NELL1: variants seen among roughly 807,000 people sequenced by gnomAD.
NELL1 encodes the protein protein kinase C-binding protein NELL1.
Under a neutral mutation model 107.4 loss-of-function variants are expected in NELL1, and 76 were observed. The observed-to-expected ratio is 0.71, with a 90% confidence interval of 0.59 to 0.86. The LOEUF is 0.86. Among genes scored for constraint, NELL1 ranks in the 40% least tolerant of loss-of-function variants. The pLI, the probability that NELL1 is intolerant of heterozygous loss-of-function variation, is 0.00. For missense variants in NELL1, 1,024 were observed against 1,005.5 expected, an observed-to-expected ratio of 1.02 and a Z score of -0.25; for synonymous variants, 353 against 341.2, an observed-to-expected ratio of 1.03 and a Z score of -0.38.
chr11:21,113,722 T>C lies in NELL1; in HGVS notation c.1426+8T>C. On this transcript the variant is annotated splice_region_variant and intron_variant, in intron 13 of 19. Coordinates refer to ENST00000357134, the MANE Select transcript of NELL1 (RefSeq NM_006157.5). ...ATGACTTCTCTTGTACAGGTGAGCT[T>C]TAAGAAGCAGTGTTGTTTTTTTAAT... 1 of 1,609,450 alleles carries C rather than the reference T, an allele frequency of 6.2e-7. No individual in the cohort carries two copies. Among genetic ancestry groups the C allele is most frequent in the Non-Finnish European group, 8.5e-7 (1 of 1,177,516 alleles).
At chr11:20,826,691 G>A (rs1857891998) in intron 3 of NELL1, among the ~76,000 whole-genome samples, 1 of 151,088 alleles carries the variant, frequency 6.6e-6, no homozygotes, top group Non-Finnish European at 1.5e-5. Flanking sequence ...CCCAAAGGCT[G>A]ACCTATAGAA....
Position 21,123,024 on chromosome 11 carries a change from G to A in NELL1, c.1426+9310G>A, listed in dbSNP as rs374388782. Among the ~76,000 whole-genome samples the A allele has an allele frequency of 2.0e-5, 3 of 152,118 alleles. No homozygotes were observed. In the East Asian group the frequency reaches 5.8e-4, roughly 29 times the overall value. ...GCTCCCCTCAAGATCTCAAAATGGTGAAGTTACTCCAAGCATCAAATCCTG... is the reference window on the plus strand; with the variant it reads ...GCTCCCCTCAAGATCTCAAAATGGTAAAGTTACTCCAAGCATCAAATCCTG... On this transcript the variant is annotated intron_variant, in intron 13 of 19. Transcript: ENST00000357134.
At chr11:21,262,629 G>T (rs2133924250) in intron 14 of NELL1, 1 of 151,846 alleles carries the variant, frequency 6.6e-6, no homozygotes, top group Non-Finnish European at 1.5e-5. Context: ...TTGTTCCATT[G>T]TATCCTAGGT....
intron 13 of NELL1, among the ~76,000 whole-genome samples, chr11:21,224,528 A>T (rs1031838870): frequency 9.9e-5 from 15 of 151,910 alleles, no homozygotes; most frequent in African/African-American, 3.4e-4. Context: ...GCCTATGGCT[A>T]TTTTTTAAAA....
chr11:21,000,223 A>C (rs1852185552), intron 12 of NELL1, among the ~76,000 whole-genome samples: 1 of 152,010 alleles, frequency 6.6e-6, no homozygotes. Context: ...TATGTAACTA[A>C]CCTACACAAT....
At chr11:21,202,695 C>A (rs754026108) in intron 13 of NELL1, among the ~76,000 whole-genome samples, 1 of 152,106 alleles carries the variant, frequency 6.6e-6, no homozygotes, top group African/African-American at 2.4e-5. Context: ...TCTTGCTTCT[C>A]TAGTTCATTT....
intron 14 of NELL1, among the ~76,000 whole-genome samples, chr11:21,272,431 G>A (rs1015410298): frequency 1.2e-4 from 19 of 152,176 alleles, no homozygotes; most frequent in Non-Finnish European, 1.5e-4. Context: ...GGAGCCCACC[G>A]CAGCTCAAGG....
chr11:20,792,490 C>T (rs1857094348), intron 3 of NELL1, among the ~76,000 whole-genome samples: 4 of 150,864 alleles, frequency 2.7e-5, no homozygotes, highest in Admixed American at 1.4e-4. Flanking sequence ...ATCACTGTTT[C>T]TATCTGTCTT....
intron 2 of NELL1, among the ~76,000 whole-genome samples, chr11:20,709,250 G>A (rs935282089): frequency 3.3e-5 from 5 of 152,034 alleles, no homozygotes; most frequent in African/African-American, 4.8e-5. Flanking sequence ...TTCATTATTC[G>A]ACCTGGGGCT....
At chr11:20,694,949 G>C (rs1222139998) in intron 2 of NELL1, among the ~76,000 whole-genome samples, 1 of 151,930 alleles carries the variant, frequency 6.6e-6, no homozygotes, top group African/African-American at 2.4e-5. Flanking sequence ...TCATTTACTT[G>C]TGTCATCTAT....
chr11:21,231,219 A>T (rs993828231), intron 14 of NELL1, among the ~76,000 whole-genome samples: 3 of 152,180 alleles, frequency 2.0e-5, no homozygotes, highest in Non-Finnish European at 4.4e-5. Context: ...CTAAGTTAAT[A>T]TTTATAAATA....
chr11:21,513,515 A>G (rs762628893), intron 15 of NELL1, among the ~76,000 whole-genome samples: 27 of 152,312 alleles, frequency 1.8e-4, no homozygotes, highest in Non-Finnish European at 3.5e-4. Context: ...TAAAGTATAT[A>G]TATTTACATA....
At chr11:20,984,644 G>T (rs1471720869) in intron 12 of NELL1, among the ~76,000 whole-genome samples, 1 of 151,424 alleles carries the variant, frequency 6.6e-6, no homozygotes, top group Non-Finnish European at 1.5e-5. Flanking sequence ...CTTTAACCTG[G>T]CCGGGCATCT....
intron 15 of NELL1, among the ~76,000 whole-genome samples, chr11:21,472,876 T>C (rs1220559660): frequency 6.6e-6 from 1 of 151,872 alleles, no homozygotes; most frequent in African/African-American, 2.4e-5. Context: ...TTTCCTTCTA[T>C]TTAAGCCATC....
chr11:21,067,713 T>G (rs2134373233), intron 12 of NELL1, among the ~76,000 whole-genome samples: 1 of 152,262 alleles, frequency 6.6e-6, no homozygotes, highest in East Asian at 1.9e-4. Flanking sequence ...ATCTATATTC[T>G]TTAACAGATT....
At chr11:21,477,945 G>A (rs1198547159) in intron 15 of NELL1, among the ~76,000 whole-genome samples, 1 of 150,252 alleles carries the variant, frequency 6.7e-6, no homozygotes. Context: ...TTCTGGAGTT[G>A]AAAAATGTAA....
At chr11:20,897,854 A>G (rs1399268823) in intron 5 of NELL1, among the ~76,000 whole-genome samples, 1 of 152,226 alleles carries the variant, frequency 6.6e-6, no homozygotes, top group Non-Finnish European at 1.5e-5. Context: ...AATGCAAATC[A>G]AAACCACAAT....
At chr11:21,195,916 C>T (rs1296737931) in intron 13 of NELL1, among the ~76,000 whole-genome samples, 1 of 152,196 alleles carries the variant, frequency 6.6e-6, no homozygotes. Context: ...GCAAGTAATA[C>T]TATTTTTCAG....
intron 5 of NELL1, among the ~76,000 whole-genome samples, chr11:20,887,100 ATG>A (rs537147674): frequency 2.0e-5 from 3 of 151,976 alleles, no homozygotes; most frequent in Non-Finnish European, 2.9e-5. Context: ...GGAATCATTT[ATG>A]TGTGTGTGTG....
Sources: allele counts gnomAD v4.1 joint callset (sites outside exome capture counted in the v4.1 genomes callset), GRCh38; gene constraint gnomAD v4.1.1; transcripts MANE v1.5; gene names NCBI Gene and HGNC (gene_info 2026-07-23, HGNC 2026-07-21).